THSD4: variants seen among roughly 807,000 people sequenced by gnomAD.
THSD4 encodes thrombospondin type-1 domain-containing protein 4.
THSD4 carries 69 observed loss-of-function variants against 119.0 expected under a neutral mutation model. The observed-to-expected ratio is 0.58, with a 90% CI of 0.48 to 0.71. THSD4 has a LOEUF of 0.71. THSD4 is among the 30% of genes least tolerant of loss of function. THSD4 has a pLI of 0.00. For missense variants in THSD4, 1,393 were observed against 1,391.1 expected, an observed-to-expected ratio of 1.00 and a Z score of -0.02; for synonymous variants, 524 against 540.4, an observed-to-expected ratio of 0.97 and a Z score of 0.42.
At chr15:71,248,963 G>A (rs770041502) in intron 5 of THSD4, among the ~76,000 whole-genome samples, 2 of 152,150 alleles carry the variant, frequency 1.3e-5, no homozygotes, top group Non-Finnish European at 2.9e-5. Context: ...TTCAACACTA[G>A]TTTCTCTTAT....
intron 6 of THSD4, among the ~76,000 whole-genome samples, chr15:71,274,926 A>T (rs896807512): frequency 6.6e-6 from 1 of 152,188 alleles, no homozygotes; most frequent in Admixed American, 6.5e-5. Flanking sequence ...GAATGATTTT[A>T]AGGACTTGAA....
intron 7 of THSD4, among the ~76,000 whole-genome samples, chr15:71,543,955 G>A (rs1262944772): frequency 6.6e-6 from 1 of 152,202 alleles, no homozygotes; most frequent in East Asian, 1.9e-4. Flanking sequence ...TTGAACACAG[G>A]AGGCAGAGGT....
chr15:71,320,638 A>G lies in THSD4; in HGVS notation c.1015+63923A>G, dbSNP rs553436438. Reference sequence around the variant, plus strand: ...AAAGCCTGTTCCTGGAACGTGATCAAACTTTTTGCTCCATCCATACCTTTC... The same window carrying G: ...AAAGCCTGTTCCTGGAACGTGATCAGACTTTTTGCTCCATCCATACCTTTC... On this transcript the variant is annotated intron_variant, in intron 6 of 17. Coordinates refer to ENST00000261862, the MANE Select transcript of THSD4 (RefSeq NM_024817.3). 3.9e-5 allele frequency among the ~76,000 whole-genome samples: 6 copies of G among 152,356 alleles called. No homozygotes were observed. The South Asian group carries it at 1.2e-3, about 32-fold the overall frequency.
At chr15:71,458,332 A>G (rs1210945700) in intron 7 of THSD4, among the ~76,000 whole-genome samples, 1 of 152,208 alleles carries the variant, frequency 6.6e-6, no homozygotes. Flanking sequence ...TGGGATTTGG[A>G]GCCAAAGGTT....
At chr15:71,547,630 T>C in intron 7 of THSD4, 1 of 885,322 alleles carries the variant, frequency 1.1e-6, no homozygotes, top group Non-Finnish European at 1.6e-6. Context: ...CTCTTGCCTT[T>C]TCTTATATGA....
At chr15:71,443,857 CT>C (rs2047144361) in intron 7 of THSD4, among the ~76,000 whole-genome samples, 1 of 152,208 alleles carries the variant, frequency 6.6e-6, no homozygotes. Flanking sequence ...AACAAATACT[CT>C]TCAAATGCTT....
chr15:71,728,462 TGAA>T (rs1159498642), intron 8 of THSD4, 84 bp from the exon 9 acceptor site: 1 of 1,504,680 alleles, frequency 6.6e-7, no homozygotes, highest in Non-Finnish European at 9.1e-7. Context: ...CCTTGATGAA[TGAA>T]GAAGCCAGAA....
intron 4 of THSD4, among the ~76,000 whole-genome samples, chr15:71,236,298 G>A (rs1240772838): frequency 1.3e-5 from 2 of 152,234 alleles, no homozygotes; most frequent in East Asian, 3.9e-4. Context: ...CCCTATAGCT[G>A]CAGGCTGCTG....
intron 11 of THSD4, among the ~76,000 whole-genome samples, chr15:71,744,079 C>T (rs1302743702): frequency 6.7e-6 from 1 of 150,112 alleles, no homozygotes; most frequent in African/African-American, 2.5e-5. Flanking sequence ...ACGTTATAAA[C>T]GTCCATTAAT....
chr15:71,333,654 C>T (rs776680725), intron 6 of THSD4, among the ~76,000 whole-genome samples: 7 of 152,074 alleles, frequency 4.6e-5, no homozygotes, highest in Non-Finnish European at 7.4e-5. Context: ...AAAAATCGGC[C>T]AGACTGAGGG....
At chr15:71,360,859 C>G (rs2045884899) in intron 6 of THSD4, among the ~76,000 whole-genome samples, 1 of 152,150 alleles carries the variant, frequency 6.6e-6, no homozygotes, top group Non-Finnish European at 1.5e-5. Flanking sequence ...CCTAAAGAGC[C>G]TATGGTTTAA....
At chr15:71,426,243 A>G (rs78641362) in intron 7 of THSD4, among the ~76,000 whole-genome samples, 1,841 of 152,282 alleles carry the variant, frequency 0.012, 19 homozygotes, top group Non-Finnish European at 0.018. Flanking sequence ...AGACAGTTTC[A>G]TATTTATTCA....
intron 7 of THSD4, among the ~76,000 whole-genome samples, chr15:71,644,217 A>G (rs2050924099): frequency 6.6e-6 from 1 of 152,162 alleles, no homozygotes; most frequent in Non-Finnish European, 1.5e-5. Context: ...TTCTGTTCTA[A>G]GAGTCTATGA....
At chr15:71,696,186 C>T (rs2052161548) in intron 8 of THSD4, among the ~76,000 whole-genome samples, 1 of 152,152 alleles carries the variant, frequency 6.6e-6, no homozygotes, top group African/African-American at 2.4e-5. Flanking sequence ...TTATTTAGCT[C>T]ATAGTTCTGC....
chr15:71,344,247 G>A (rs994145373), intron 6 of THSD4, among the ~76,000 whole-genome samples: 18 of 151,934 alleles, frequency 1.2e-4, no homozygotes, highest in African/African-American at 4.4e-4. Context: ...GTTTCACCGT[G>A]TTAGTCAGTA....
intron 1 of THSD4, among the ~76,000 whole-genome samples, chr15:71,126,528 C>T (rs1046460366): frequency 3.3e-5 from 5 of 152,184 alleles, no homozygotes; most frequent in Admixed American, 2.6e-4. Context: ...TACCATAATA[C>T]CTAAAATGTC....
intron 8 of THSD4, among the ~76,000 whole-genome samples, chr15:71,680,756 C>A (rs1210412197): frequency 6.6e-6 from 1 of 152,086 alleles, no homozygotes; most frequent in Non-Finnish European, 1.5e-5. Context: ...GTTACCTGAC[C>A]TCTCCGTATG....
intron 4 of THSD4, among the ~76,000 whole-genome samples, chr15:71,242,096 G>T (rs1200665614): frequency 1.3e-5 from 2 of 152,126 alleles, no homozygotes; most frequent in African/African-American, 4.8e-5. Flanking sequence ...GTGCAAGTGA[G>T]GCCTTGGGAC....
chr15:71,424,932 C>G (rs1375520135), intron 7 of THSD4, among the ~76,000 whole-genome samples: 1 of 152,154 alleles, frequency 6.6e-6, no homozygotes, highest in Non-Finnish European at 1.5e-5. Context: ...AAAACTAGCT[C>G]CCTGGAGACC....
Sources: gnomAD v4.1 joint callset for allele counts (sites outside exome capture counted in the v4.1 genomes callset) on GRCh38, gnomAD v4.1.1 for gene constraint, MANE v1.5 for transcripts, NCBI Gene and HGNC (gene_info 2026-07-23, HGNC 2026-07-21) for gene names.